PHLDB2: variants seen among roughly 807,000 people sequenced by gnomAD.
The protein encoded by PHLDB2 is pleckstrin homology like domain family B member 2.
Under a neutral mutation model 123.6 loss-of-function variants are expected in PHLDB2, and 71 were observed. The ratio of observed to expected loss-of-function variants is 0.57; its 90% CI spans 0.47 to 0.70. The LOEUF is 0.70. Among genes scored for constraint, PHLDB2 ranks in the 30% least tolerant of loss-of-function variants. PHLDB2 has a pLI of 0.00. For synonymous variants in PHLDB2, 547 were observed against 541.6 expected, an observed-to-expected ratio of 1.01 and a Z score of -0.14; for missense variants, 1,446 against 1,519.5, an observed-to-expected ratio of 0.95 and a Z score of 0.80.
intron 6 of PHLDB2, among the ~76,000 whole-genome samples, chr3:111,937,313 C>G (rs1208529424): frequency 6.6e-6 from 1 of 152,022 alleles, no homozygotes; most frequent in East Asian, 1.9e-4. Context: ...GGTTGAATAT[C>G]GATATAGAAA....
chr3:111,912,547 A>G lies in PHLDB2; in HGVS notation c.1336-772A>G, dbSNP rs79498917. Among the ~76,000 whole-genome samples, 346 of 152,272 alleles carry G rather than the reference A, an allele frequency of 2.3e-3. 10 individuals are homozygous for G. The East Asian group carries it at 0.063, about 28-fold the overall frequency. On this transcript the variant is annotated intron_variant, in intron 2 of 17. Coordinates refer to ENST00000431670, the MANE Select transcript of PHLDB2 (RefSeq NM_001134438.2). ...AAGAAATTAGTAGAGAAAGACCTTT[A>G]TATGGTGACCAGGCATTAAAAAGTT...
intron 1 of PHLDB2, among the ~76,000 whole-genome samples, chr3:111,746,331 C>T (rs1372949999): frequency 6.6e-6 from 1 of 152,256 alleles, no homozygotes; most frequent in Admixed American, 6.5e-5. Context: ...TCCTGGAAGT[C>T]CAATATCTAA....
Position 111,885,173 on chromosome 3 carries a change from C to A in PHLDB2, c.1096C>A (p.His366Asn). The A allele has an allele frequency of 6.2e-7, 1 of 1,614,120 alleles. No individual in the cohort carries two copies. Among genetic ancestry groups the A allele is most frequent in the South Asian group, 1.1e-5 (1 of 91,070 alleles). Residue 366 changes from histidine (H) to asparagine (N), a missense_variant, in exon 2 of 18, where the codon CAT becomes AAT. This residue lies in a region of PHLDB2 where 832 missense variants were observed against 831.9 expected (regional missense o/e 1.00). Transcript: ENST00000431670. ...TTCATATGTGGGGACAAACCCGAGT[C>A]ATTCACTTCTTGCTGGAGAGTCAGA... ...QASYVGTNPSHSLLAGESDRV... is the reference protein window; with the variant it reads ...QASYVGTNPSNSLLAGESDRV...
intron 1 of PHLDB2, among the ~76,000 whole-genome samples, chr3:111,750,843 G>A (rs2059757784): frequency 6.6e-6 from 1 of 151,810 alleles, no homozygotes; most frequent in Non-Finnish European, 1.5e-5. Flanking sequence ...CTACTCAGGA[G>A]GCTGAGGCAT....
chr3:111,880,006 T>G (rs62861761), intron 1 of PHLDB2, among the ~76,000 whole-genome samples: 1 of 92,544 alleles, frequency 1.1e-5, no homozygotes, highest in Admixed American at 1.2e-4. Context: ...TTTTTTTTTT[T>G]GGCCATATCC....
chr3:111,889,377 A>T (rs1163942331), intron 2 of PHLDB2, among the ~76,000 whole-genome samples: 3 of 151,516 alleles, frequency 2.0e-5, no homozygotes, highest in Admixed American at 6.6e-5. Context: ...TTTAAAACCA[A>T]ATTATCAAAT....
chr3:111,775,753 C>A (rs1026570655), intron 1 of PHLDB2, among the ~76,000 whole-genome samples: 2 of 151,970 alleles, frequency 1.3e-5, no homozygotes, highest in Non-Finnish European at 1.5e-5. Context: ...ATATGCGTTC[C>A]CCTAGTGAAT....
intron 11 of PHLDB2, chr3:111,953,694 T>G: frequency 2.5e-6 from 1 of 407,850 alleles, no homozygotes; most frequent in Admixed American, 4.0e-5. Context: ...CCAGCTGTCT[T>G]CACTTTTGGA....
At chr3:111,911,364 C>T (rs76432587) in intron 2 of PHLDB2, among the ~76,000 whole-genome samples, 1,597 of 152,286 alleles carry the variant, frequency 0.01, 31 homozygotes, top group African/African-American at 0.036. Flanking sequence ...TTCAGAGATT[C>T]GCCTCTAATA....
chr3:111,745,602 A>T (rs10212300), intron 1 of PHLDB2, among the ~76,000 whole-genome samples: 75,701 of 151,588 alleles, frequency 0.5, 19,496 homozygotes, highest in African/African-American at 0.62. Flanking sequence ...TCTACAAAAA[A>T]TTTTTTAAAA....
rs376563651 is a variant in PHLDB2 at position 111,884,602 on chromosome 3, G to C, written c.525G>C (p.Ser175=). The C allele has an allele frequency of 1.9e-6, 3 of 1,613,960 alleles. No homozygotes were observed. Among genetic ancestry groups the C allele is most frequent in the Admixed American group, 1.7e-5 (1 of 59,984 alleles). ...TGGAAGGTCGGAAGGCATCTGGCTC[G>C]CTCCTGGCCATGTGGAATGGAAGTT... ...GGLEGRKASG[S]LLAMWNGSSL... Residue 175 remains serine (S), a synonymous_variant, in exon 2 of 18, where the codon TCG becomes TCC. Transcript: ENST00000431670.
At chr3:111,797,139 C>T (rs751598318) in intron 1 of PHLDB2, among the ~76,000 whole-genome samples, 1 of 152,154 alleles carries the variant, frequency 6.6e-6, no homozygotes, top group Non-Finnish European at 1.5e-5. Context: ...AAATGAGTGA[C>T]CCTGCTTTAG....
At chr3:111,748,085 TAGTTTACAAGAG>T (rs1353020235) in intron 1 of PHLDB2, among the ~76,000 whole-genome samples, 17 of 152,210 alleles carry the variant, frequency 1.1e-4, no homozygotes, top group Admixed American at 7.2e-4. Context: ...GGAGGTCAAA[TAGTTTACAAGAG>T]AGCTAAGAAT....
At chr3:111,805,049 A>G (rs1215076594) in intron 1 of PHLDB2, among the ~76,000 whole-genome samples, 2 of 152,244 alleles carry the variant, frequency 1.3e-5, no homozygotes, top group Non-Finnish European at 2.9e-5. Flanking sequence ...TGTCAACCTC[A>G]GTCACTTTGG....
intron 1 of PHLDB2, among the ~76,000 whole-genome samples, chr3:111,750,967 T>A (rs1401593514): frequency 6.8e-6 from 1 of 146,478 alleles, no homozygotes; most frequent in Non-Finnish European, 1.5e-5. Context: ...AAAAAAAAAA[T>A]TCGCCAGTTC....
chr3:111,764,566 A>T (rs1327654852), intron 1 of PHLDB2, among the ~76,000 whole-genome samples: 1 of 152,166 alleles, frequency 6.6e-6, no homozygotes, highest in South Asian at 2.1e-4. Flanking sequence ...GCCAGATTTC[A>T]TAAAGGGAAC....
chr3:111,919,258 G>T, intron 4 of PHLDB2, 43 bp downstream of exon 4: 1 of 1,600,048 alleles, frequency 6.2e-7, no homozygotes, highest in South Asian at 1.1e-5. Flanking sequence ...CTTTCCTTCA[G>T]CTTAAAAATA....
At position 111,974,698 on chromosome 3, in the gene PHLDB2, C is replaced by A; in HGVS notation, c.*135C>A. 2 of 867,406 alleles carry A rather than the reference C, an allele frequency of 2.3e-6. No homozygotes were observed. Among genetic ancestry groups the A allele is most frequent in the Non-Finnish European group, 3.2e-6 (2 of 624,964 alleles). 53.7% of individuals were successfully genotyped at this position (867,406 alleles called of 1,614,324 possible). A position where few individuals can be genotyped will look rare whatever the true frequency, so the allele number is the denominator to read the frequency against. ...TAAACACTCAGAACTCCTTTCATAT[C>A]AAGACAAGTTATTTGTAAAAAATAA... On this transcript the variant is annotated 3_prime_UTR_variant, in exon 18 of 18. Coordinates refer to ENST00000431670, the MANE Select transcript of PHLDB2 (RefSeq NM_001134438.2).
intron 1 of PHLDB2, among the ~76,000 whole-genome samples, chr3:111,840,545 A>G (rs1178524456): frequency 6.6e-6 from 1 of 152,160 alleles, no homozygotes; most frequent in Admixed American, 6.5e-5. Context: ...CCTCCATACC[A>G]CTTTTAGGAG....
Sources: gnomAD v4.1 joint callset for allele counts (sites outside exome capture counted in the v4.1 genomes callset) on GRCh38, gnomAD v4.1.1 for gene constraint, gnomAD v4.1.1 regional missense constraint, MANE v1.5 for transcripts, NCBI Gene and HGNC (gene_info 2026-07-23, HGNC 2026-07-21) for gene names.